Variants in TBC1D23 observed in about 807,000 individuals in gnomAD.
TBC1D23 encodes HCV non-structural protein 4A-transactivated protein 1.
Under a neutral mutation model 91.4 loss-of-function variants are expected in TBC1D23, and 55 were observed. The observed-to-expected ratio is 0.60, with a 90% confidence interval of 0.48 to 0.75. The LOEUF (loss-of-function observed/expected upper bound fraction) is 0.75, where lower values mean the gene tolerates loss of function less well. Ranked by LOEUF, TBC1D23 falls within the 30% of genes least tolerant of loss-of-function variation. The pLI, the probability that TBC1D23 is intolerant of heterozygous loss-of-function variation, is 0.00. For synonymous variants in TBC1D23, 289 were observed against 281.0 expected, an observed-to-expected ratio of 1.03 and a Z score of -0.28; for missense variants, 725 against 836.1, an observed-to-expected ratio of 0.87 and a Z score of 1.64.
In TBC1D23 at chr3:100,295,214, A is replaced by G. The variant is rs769033435; in HGVS notation, c.725+3A>G. ...TTAATTATCCTTGTTAATGCAAAGT[A>G]AGTATCTGGTTGGTTAGATTTTTTT... is the stretch of plus-strand genomic sequence containing the variant. On this transcript the variant is annotated splice_donor_region_variant and intron_variant, in intron 6 of 18. Coordinates refer to ENST00000394144, the MANE Select transcript of TBC1D23 (RefSeq NM_001199198.3). The G allele has an allele frequency of 1.3e-6, 2 of 1,598,566 alleles. No individual in the cohort carries two copies. Among genetic ancestry groups the G allele is most frequent in the East Asian group, 4.5e-5 (2 of 44,722 alleles).
In TBC1D23 at chr3:100,319,205, G is replaced by A. The variant is rs1271744127; in HGVS notation, c.1823+1G>A. The A allele has an allele frequency of 6.3e-7, 1 of 1,597,558 alleles. No homozygotes were observed. Among genetic ancestry groups the A allele is most frequent in the South Asian group, 1.2e-5 (1 of 86,744 alleles). ...AAGAAAGTGGACACATGTTTCCCAG[G>A]TACTTTTAAAAATGTCTTCATAAGA... On this transcript the variant is annotated splice_donor_variant, in intron 17 of 18. Coordinates refer to ENST00000394144, the MANE Select transcript of TBC1D23 (RefSeq NM_001199198.3). LOFTEE classifies it high-confidence loss of function.
At chr3:100,297,619 A>G (rs1705322733) in intron 8 of TBC1D23, among the ~76,000 whole-genome samples, 1 of 152,166 alleles carries the variant, frequency 6.6e-6, no homozygotes, top group Non-Finnish European at 1.5e-5. Flanking sequence ...TTAAGATATG[A>G]AAAATTGTAA....
chr3:100,282,091 A>G (rs1037294689), intron 3 of TBC1D23, among the ~76,000 whole-genome samples: 1 of 152,218 alleles, frequency 6.6e-6, no homozygotes, highest in African/African-American at 2.4e-5. Context: ...CAGACAGATC[A>G]CTTGAGGTCA....
At chr3:100,301,315 G>C (rs1356260974) in intron 10 of TBC1D23, among the ~76,000 whole-genome samples, 1 of 149,946 alleles carries the variant, frequency 6.7e-6, no homozygotes, top group Non-Finnish European at 1.5e-5. Context: ...TTACGTTTCA[G>C]AACTCTAAAT....
intron 15 of TBC1D23, 93 bp from the exon 16 acceptor site, chr3:100,316,006 T>C (rs1705737339): frequency 3.8e-6 from 4 of 1,044,968 alleles, no homozygotes; most frequent in Non-Finnish European, 6.0e-6. Flanking sequence ...TAAGGAATAA[T>C]TACATTTTGT....
At position 100,309,889 on chromosome 3, in the gene TBC1D23, G is replaced by T. The variant is rs2583657; in HGVS notation, c.1414-514G>T. On this transcript the variant is annotated intron_variant, in intron 13 of 18. Coordinates refer to ENST00000394144, the MANE Select transcript of TBC1D23 (RefSeq NM_001199198.3). ...CTCCCAAAGTACTGGGATTACAGGC[G>T]TGAGCCACCGCGCCCAGCATCTACC... Among the ~76,000 whole-genome samples the T allele has an allele frequency of 2.7e-3, 413 of 152,250 alleles. 2 individuals are homozygous for T. Among genetic ancestry groups the T allele is most frequent in the African/African-American group, 9.5e-3 (394 of 41,536 alleles).
intron 14 of TBC1D23, 142 bp from the exon 15 acceptor site, chr3:100,311,691 T>C (rs1705627967): frequency 1.8e-6 from 1 of 562,904 alleles, no homozygotes; most frequent in South Asian, 2.7e-5. Context: ...TGTTTTTCTT[T>C]GTACTTGGGA....
At chr3:100,323,066 G>A (rs1260727938) in intron 18 of TBC1D23, among the ~76,000 whole-genome samples, 22 of 151,998 alleles carry the variant, frequency 1.4e-4, no homozygotes, top group Non-Finnish European at 2.9e-5. Context: ...ACCTCATAAC[G>A]CCATTTTATT....
Position 100,324,955 on chromosome 3 carries a change from G to A in TBC1D23, c.*1287G>A, listed in dbSNP as rs932508384. ...CTTATGGAAATCAAGTGAATAAAAG[G>A]CAACATAATTTGGGAAATTTTATTC... is the stretch of plus-strand genomic sequence containing the variant. On this transcript the variant is annotated 3_prime_UTR_variant, in exon 19 of 19. Transcript: ENST00000394144. 1 of 152,162 alleles carries A rather than the reference G, an allele frequency of 6.6e-6. No homozygotes were observed. Among genetic ancestry groups the A allele is most frequent in the Non-Finnish European group, 1.5e-5 (1 of 68,024 alleles). The allele number at this position is 152,162 out of a possible 1,614,324, so 9.4% of individuals were successfully genotyped here. A position where few individuals can be genotyped will look rare whatever the true frequency, so the allele number is the denominator to read the frequency against.
chr3:100,323,845 T>G lies in TBC1D23; in HGVS notation c.*177T>G, dbSNP rs996582432. The stretch of plus-strand genomic sequence containing the variant: ...TGTGGACAGTAAACTTTTTAAAAAT[T>G]TTTCTTCTGCATTTTGGTTTTATAA... On this transcript the variant is annotated 3_prime_UTR_variant, in exon 19 of 19. Coordinates refer to ENST00000394144, the MANE Select transcript of TBC1D23 (RefSeq NM_001199198.3). 2 of 263,604 alleles carry G rather than the reference T, an allele frequency of 7.6e-6. No individual in the cohort carries two copies. Among genetic ancestry groups the G allele is most frequent in the Middle Eastern group, 1.3e-3 (1 of 782 alleles). The allele number at this position is 263,604 out of a possible 1,614,324, so 16.3% of individuals were successfully genotyped here.
At chr3:100,293,128 T>TGTTTGTTC (rs397976934) in intron 5 of TBC1D23, among the ~76,000 whole-genome samples, 1 of 144,258 alleles carries the variant, frequency 6.9e-6, no homozygotes, top group Non-Finnish European at 1.5e-5. Context: ...TTTGTTTGTT[T>TGTTTGTTC]ACTTATTTAT....
chr3:100,321,012 T>A, intron 18 of TBC1D23, 41 bp downstream of exon 18: 28 of 1,343,472 alleles, frequency 2.1e-5, no homozygotes, highest in Non-Finnish European at 2.8e-5. Context: ...AATTCAGATA[T>A]TATCTGAATT....
At chr3:100,297,878 T>C (rs1559808910) in intron 8 of TBC1D23, 45 bp from the exon 9 acceptor site, 3 of 1,478,826 alleles carry the variant, frequency 2.0e-6, no homozygotes, top group Non-Finnish European at 2.8e-6. Flanking sequence ...AGGAAGAAAG[T>C]TTGATTTTTT....
intron 11 of TBC1D23, among the ~76,000 whole-genome samples, chr3:100,304,001 C>A (rs1175597044): frequency 6.6e-6 from 1 of 152,070 alleles, no homozygotes; most frequent in Admixed American, 6.5e-5. Flanking sequence ...ACATCATTAT[C>A]ATACTTTATT....
intron 3 of TBC1D23, among the ~76,000 whole-genome samples, chr3:100,283,321 C>T (rs1268160629): frequency 6.6e-6 from 1 of 151,978 alleles, no homozygotes; most frequent in Non-Finnish European, 1.5e-5. Context: ...TTGCAGTGAG[C>T]CAAGACCGTG....
At chr3:100,277,732 T>C (rs938254992) in intron 1 of TBC1D23, among the ~76,000 whole-genome samples, 1 of 152,238 alleles carries the variant, frequency 6.6e-6, no homozygotes, top group Non-Finnish European at 1.5e-5. Context: ...ATATATGGTA[T>C]TTATTCACCA....
chr3:100,281,992 T>G, intron 3 of TBC1D23, 145 bp downstream of exon 3: 1 of 521,100 alleles, frequency 1.9e-6, no homozygotes, highest in South Asian at 2.9e-5. Flanking sequence ...GAAATTCTTA[T>G]GAAATATTGT....
intron 4 of TBC1D23, among the ~76,000 whole-genome samples, chr3:100,287,182 G>A (rs1399196396): frequency 1.3e-5 from 2 of 151,890 alleles, no homozygotes; most frequent in Non-Finnish European, 2.9e-5. Flanking sequence ...GCTTGATCTC[G>A]GCTCACTGCC....
At chr3:100,294,289 C>T in intron 5 of TBC1D23, among the ~76,000 whole-genome samples, 2 of 148,490 alleles carry the variant, frequency 1.3e-5, no homozygotes, top group Non-Finnish European at 1.5e-5. Context: ...GAGACAGAGT[C>T]TCACTCTGTC....
Sources: allele counts gnomAD v4.1 joint callset (sites outside exome capture counted in the v4.1 genomes callset), GRCh38; gene constraint gnomAD v4.1.1; transcripts MANE v1.5; gene names NCBI Gene and HGNC (gene_info 2026-07-23, HGNC 2026-07-21).